Variants in EYS observed in about 807,000 individuals in gnomAD.
The protein encoded by EYS is EGF-like photoreceptor maintenance factor, also known as protein eyes shut homolog.
EYS carries 250 observed loss-of-function variants against 282.1 expected under a neutral mutation model. That is an observed-to-expected ratio of 0.89 (90% CI 0.80 to 0.98). The LOEUF (loss-of-function observed/expected upper bound fraction) is 0.98. EYS is among the 50% of genes least tolerant of loss of function. The probability of loss-of-function intolerance (pLI) is 0.00; values close to 1 mark genes in which losing one functional copy is unlikely to be tolerated. For synonymous variants in EYS, 1,355 were observed against 1,282.9 expected (o/e 1.06, Z -1.20); for missense variants, 4,016 against 3,709.0 (o/e 1.08, Z -2.15).
chr6:64,030,328 C>T (rs1769760447), intron 33 of EYS, among the ~76,000 whole-genome samples: 1 of 152,198 alleles, frequency 6.6e-6, no homozygotes, highest in Non-Finnish European at 1.5e-5. Context: ...GGGTAAATTT[C>T]TGTCTACCCA....
At chr6:64,184,124 A>G (rs1764863075) in intron 31 of EYS, among the ~76,000 whole-genome samples, 1 of 151,860 alleles carries the variant, frequency 6.6e-6, no homozygotes, top group Non-Finnish European at 1.5e-5. Flanking sequence ...ACCCAGCTTT[A>G]TTGTCTTCCA....
At position 64,711,548 on chromosome 6, in the gene EYS, C is replaced by A. The variant is rs116569152; in HGVS notation, c.3444-85303G>T. Among the ~76,000 whole-genome samples, 1,401 of 152,254 alleles carry A rather than the reference C, an allele frequency of 9.2e-3. 28 individuals are homozygous for A. The highest frequency in any genetic ancestry group is 0.032 in the African/African-American group (1,315 of 41,556). ...ATTAACCAAGAAACACTGGGTTTGG[C>A]CTAGTCTTAGGCATCACCGGAAAAT... On this transcript the variant is annotated intron_variant, in intron 22 of 42. Coordinates refer to ENST00000503581, the MANE Select transcript of EYS (RefSeq NM_001142800.2).
chr6:64,048,228 G>A (rs1226181035), intron 33 of EYS, among the ~76,000 whole-genome samples: 1 of 152,096 alleles, frequency 6.6e-6, no homozygotes, highest in Non-Finnish European at 1.5e-5. Flanking sequence ...TTTAAGTGGT[G>A]ATGACAACTG....
intron 2 of EYS, among the ~76,000 whole-genome samples, chr6:65,600,753 ATT>A (rs931307618): frequency 3.3e-5 from 5 of 151,948 alleles, no homozygotes; most frequent in Admixed American, 1.3e-4. Context: ...GTTGCATGAA[ATT>A]TGTTTCTAAA....
intron 22 of EYS, among the ~76,000 whole-genome samples, chr6:64,704,534 T>C (rs1283440810): frequency 1.2e-5 from 1 of 85,024 alleles, no homozygotes; most frequent in Non-Finnish European, 2.4e-5. Context: ...ATACTTATAA[T>C]AATATTATAA....
intron 12 of EYS, among the ~76,000 whole-genome samples, chr6:65,061,270 A>C (rs1773566644): frequency 6.6e-6 from 1 of 151,992 alleles, no homozygotes; most frequent in African/African-American, 2.4e-5. Flanking sequence ...TAAATTAATA[A>C]GCATAAGTAG....
chr6:65,657,737 G>A (rs1767875499), intron 1 of EYS, among the ~76,000 whole-genome samples: 1 of 151,870 alleles, frequency 6.6e-6, no homozygotes, highest in South Asian at 2.1e-4. Flanking sequence ...AGCAGTGGCA[G>A]GGTTTGAGAG....
intron 22 of EYS, among the ~76,000 whole-genome samples, chr6:64,719,598 A>G (rs1045225173): frequency 6.6e-6 from 1 of 152,130 alleles, no homozygotes; most frequent in Non-Finnish European, 1.5e-5. Context: ...TTGCCTCACA[A>G]ATGTGTTTTG....
intron 22 of EYS, among the ~76,000 whole-genome samples, chr6:64,720,193 A>G (rs1771530329): frequency 6.6e-6 from 1 of 152,126 alleles, no homozygotes. Context: ...CTGTTAGCTT[A>G]TAGCTCCTTC....
At chr6:64,689,126 C>A (rs557323606) in intron 22 of EYS, among the ~76,000 whole-genome samples, 1 of 152,292 alleles carries the variant, frequency 6.6e-6, no homozygotes, top group South Asian at 2.1e-4. Context: ...AGCAAAGTCT[C>A]AGGATACAAA....
chr6:64,445,673 T>C (rs1775096593), intron 26 of EYS, among the ~76,000 whole-genome samples: 1 of 151,932 alleles, frequency 6.6e-6, no homozygotes, highest in African/African-American at 2.4e-5. Context: ...ACAGGCTGAG[T>C]TTTAATATGA....
At chr6:65,593,952 G>C (rs192695799) in intron 2 of EYS, among the ~76,000 whole-genome samples, 264 of 152,004 alleles carry the variant, frequency 1.7e-3, no homozygotes, top group Middle Eastern at 6.8e-3. Context: ...GGAACTTGGA[G>C]CATAGAGAAG....
Position 65,651,615 on chromosome 6 carries a change from T to C in EYS, c.-447-11723A>G, listed in dbSNP as rs150991366. Among the ~76,000 whole-genome samples the C allele has an allele frequency of 1.8e-3, 279 of 152,164 alleles. 1 individual carries two copies. The highest frequency in any genetic ancestry group is 5.8e-3 in the South Asian group (28 of 4,828). On this transcript the variant is annotated intron_variant, in intron 1 of 42. Transcript: ENST00000503581. The stretch of plus-strand genomic sequence containing the variant: ...TGCAAAACTCTTCCTTCTTTGTAAA[T>C]GAATGAATAATACAGCAACCACTAG...
chr6:64,900,898 C>A (rs1767632797), intron 18 of EYS, among the ~76,000 whole-genome samples: 1 of 151,942 alleles, frequency 6.6e-6, no homozygotes, highest in Non-Finnish European at 1.5e-5. Context: ...TGGGCATATA[C>A]CCAAAGGATT....
chr6:65,132,954 T>A (rs1449299467), intron 12 of EYS, among the ~76,000 whole-genome samples: 3 of 151,672 alleles, frequency 2.0e-5, no homozygotes, highest in African/African-American at 7.3e-5. Flanking sequence ...GAATGCAATC[T>A]CATTCACAAT....
At chr6:65,229,724 T>G (rs898169804) in intron 12 of EYS, among the ~76,000 whole-genome samples, 1 of 151,728 alleles carries the variant, frequency 6.6e-6, no homozygotes, top group Admixed American at 6.6e-5. Context: ...TGAAGAAAAG[T>G]GAAAAAACAT....
chr6:65,037,611 A>G (rs935558545), intron 13 of EYS, among the ~76,000 whole-genome samples: 1 of 151,816 alleles, frequency 6.6e-6, no homozygotes, highest in Admixed American at 6.6e-5. Context: ...TTATACCTAT[A>G]ACATACAAAA....
intron 5 of EYS, among the ~76,000 whole-genome samples, chr6:65,434,002 A>G (rs1767972642): frequency 3.9e-5 from 6 of 152,210 alleles, no homozygotes; most frequent in Admixed American, 3.9e-4. Context: ...CTTCCTAAGC[A>G]TCACACTTTC....
At chr6:64,470,432 T>A (rs1412500943) in intron 26 of EYS, among the ~76,000 whole-genome samples, 4 of 152,144 alleles carry the variant, frequency 2.6e-5, no homozygotes, top group African/African-American at 9.7e-5. Flanking sequence ...AATAACTAAA[T>A]AGAAATTCTA....
Sources: gnomAD v4.1 joint callset for allele counts (sites outside exome capture counted in the v4.1 genomes callset) on GRCh38, gnomAD v4.1.1 for gene constraint, MANE v1.5 for transcripts, NCBI Gene and HGNC (gene_info 2026-07-23, HGNC 2026-07-21) for gene names.